Variants in USP15 observed in about 807,000 individuals in gnomAD.
USP15 encodes the protein ubiquitin specific peptidase 15.
Under a neutral mutation model 127.1 loss-of-function variants are expected in USP15, and 18 were observed. The ratio of observed to expected loss-of-function variants is 0.14; its 90% CI spans 0.10 to 0.21. USP15 has a LOEUF of 0.21. USP15 is among the 10% of genes least tolerant of loss of function. The pLI is 1.00. For synonymous variants in USP15, 364 were observed against 393.7 expected (o/e 0.92, Z 0.89); for missense variants, 805 against 1,159.9 (o/e 0.69, Z 4.44).
intron 21 of USP15, among the ~76,000 whole-genome samples, chr12:62,402,138 C>T (rs902040556): frequency 6.6e-6 from 1 of 151,680 alleles, no homozygotes; most frequent in African/African-American, 2.4e-5. Context: ...CTAATCTTGG[C>T]TTCAAATAAA....
At chr12:62,320,574 C>T (rs540751962) in intron 4 of USP15, among the ~76,000 whole-genome samples, 8 of 152,114 alleles carry the variant, frequency 5.3e-5, no homozygotes, top group Admixed American at 2.0e-4. Context: ...TTTGAGATAA[C>T]GCTGTTGATA....
intron 21 of USP15, among the ~76,000 whole-genome samples, chr12:62,401,807 C>T (rs12297480): frequency 0.22 from 33,808 of 150,914 alleles, 4,131 homozygotes; most frequent in African/African-American, 0.34. Context: ...GAAGTTCCGT[C>T]TGTTCACACT....
At chr12:62,364,430 A>G (rs569379363) in intron 8 of USP15, among the ~76,000 whole-genome samples, 18 of 152,352 alleles carry the variant, frequency 1.2e-4, no homozygotes, top group Non-Finnish European at 2.2e-4. Context: ...TGCATAAAAC[A>G]GATGCCTAGA....
rs2068145747 is a variant in USP15 at position 62,415,986 on chromosome 12, T to C, written c.*11611T>C. The C allele has an allele frequency of 6.6e-6, 1 of 152,212 alleles. No homozygotes were observed. The highest frequency in any genetic ancestry group is 1.5e-5 in the Non-Finnish European group (1 of 68,042). The allele number at this position is 152,212 out of a possible 1,614,324, so 9.4% of individuals were successfully genotyped here. ...TACTCAAGTTCTAATAAACTTTCTT[T>C]AGCAAGAGAGCAAAGAGTATGGTAC... On this transcript the variant is annotated 3_prime_UTR_variant, in exon 22 of 22. Transcript: ENST00000280377.
chr12:62,348,077 C>T (rs1219090344), intron 6 of USP15, among the ~76,000 whole-genome samples: 1 of 152,002 alleles, frequency 6.6e-6, no homozygotes, highest in Non-Finnish European at 1.5e-5. Flanking sequence ...GGCACGGTGG[C>T]ACACGCCTAT....
intron 19 of USP15, among the ~76,000 whole-genome samples, chr12:62,394,631 C>T (rs1592728717): frequency 1.3e-5 from 2 of 152,232 alleles, no homozygotes; most frequent in Non-Finnish European, 2.9e-5. Context: ...GGGTGGATCA[C>T]AAGGTCAGGA....
chr12:62,344,053 C>T (rs1253945690), intron 6 of USP15, among the ~76,000 whole-genome samples: 2 of 151,958 alleles, frequency 1.3e-5, no homozygotes, highest in Non-Finnish European at 2.9e-5. Context: ...CCTGGCCCCT[C>T]CCAAATCTCA....
chr12:62,304,485 T>C (rs2064416101), intron 3 of USP15, among the ~76,000 whole-genome samples: 1 of 152,204 alleles, frequency 6.6e-6, no homozygotes. Flanking sequence ...GTGGCCCACA[T>C]GACTGATGCA....
intron 1 of USP15, among the ~76,000 whole-genome samples, chr12:62,276,287 T>G (rs1165402142): frequency 1.3e-5 from 2 of 152,136 alleles, no homozygotes; most frequent in Non-Finnish European, 2.9e-5. Flanking sequence ...TATAAAGCAT[T>G]GACTCCTTTG....
chr12:62,384,380 A>C (rs2137581788), intron 11 of USP15, 78 bp downstream of exon 11: 1 of 1,066,620 alleles, frequency 9.4e-7, no homozygotes, highest in African/African-American at 1.8e-5. Flanking sequence ...ATTAGTGTTG[A>C]GTCCTTATTA....
intron 1 of USP15, among the ~76,000 whole-genome samples, chr12:62,277,097 CA>C (rs952369493): frequency 1.3e-5 from 2 of 152,120 alleles, no homozygotes; most frequent in African/African-American, 4.8e-5. Context: ...CTGTGTTAAA[CA>C]AAAGACGTTT....
At chr12:62,378,717 T>C (rs965123646) in intron 8 of USP15, among the ~76,000 whole-genome samples, 2 of 152,214 alleles carry the variant, frequency 1.3e-5, no homozygotes, top group African/African-American at 4.8e-5. Flanking sequence ...AAATTTGTAC[T>C]GCCCGTATGG....
chr12:62,302,740 C>T, intron 2 of USP15, 50 bp from the exon 3 acceptor site: 1 of 1,553,876 alleles, frequency 6.4e-7, no homozygotes, highest in Non-Finnish European at 8.7e-7. Flanking sequence ...TGTAATGTGT[C>T]CAAACAAAGT....
chr12:62,312,239 G>T, intron 3 of USP15: 1 of 318,950 alleles, frequency 3.1e-6, no homozygotes, highest in South Asian at 2.4e-5. Context: ...TGTTTATATA[G>T]TACTAGATTT....
chr12:62,309,823 A>G (rs963698825), intron 3 of USP15, among the ~76,000 whole-genome samples: 5 of 151,976 alleles, frequency 3.3e-5, no homozygotes, highest in East Asian at 1.9e-4. Context: ...TTGATGCTCA[A>G]CATCCATGTA....
At chr12:62,360,591 G>A (rs1272860598) in intron 8 of USP15, among the ~76,000 whole-genome samples, 2 of 151,846 alleles carry the variant, frequency 1.3e-5, no homozygotes, top group East Asian at 3.9e-4. Flanking sequence ...GCATTTATTG[G>A]AACTCAGTTT....
intron 6 of USP15, among the ~76,000 whole-genome samples, chr12:62,329,749 C>T (rs913356206): frequency 2.0e-5 from 3 of 152,184 alleles, no homozygotes; most frequent in Non-Finnish European, 4.4e-5. Context: ...TACAATTTTT[C>T]ACCCATCAAA....
chr12:62,323,118 G>C (rs949190502), intron 5 of USP15, among the ~76,000 whole-genome samples: 4 of 152,094 alleles, frequency 2.6e-5, no homozygotes, highest in African/African-American at 9.7e-5. Context: ...TGTCCATTGA[G>C]GTATAGGATG....
chr12:62,395,350 T>TTTTTA (rs1055092542), intron 19 of USP15, among the ~76,000 whole-genome samples: 1 of 152,126 alleles, frequency 6.6e-6, no homozygotes, highest in Non-Finnish European at 1.5e-5. Context: ...ACATTCCACA[T>TTTTTA]TTTTATTTTA....
Sources: gnomAD v4.1 joint callset for allele counts (sites outside exome capture counted in the v4.1 genomes callset) on GRCh38, gnomAD v4.1.1 for gene constraint, MANE v1.5 for transcripts, NCBI Gene and HGNC (gene_info 2026-07-23, HGNC 2026-07-21) for gene names.